The following MYOF variants were observed in gnomAD, a reference collection of about 807,000 sequenced individuals.
MYOF encodes fer-1-like 3, myoferlin.
In MYOF, 244 loss-of-function variants were observed where a neutral mutation model predicts 284.2. That is an observed-to-expected ratio of 0.86 (90% CI 0.77 to 0.95). The LOEUF (loss-of-function observed/expected upper bound fraction) is 0.95. Ranked by LOEUF, MYOF falls within the 40% of genes least tolerant of loss-of-function variation. The pLI is 0.00. For synonymous variants in MYOF, 904 were observed against 919.7 expected (o/e 0.98, Z 0.31); for missense variants, 2,496 against 2,560.6 (o/e 0.97, Z 0.54).
intron 2 of MYOF, among the ~76,000 whole-genome samples, chr10:93,455,621 C>T (rs144071066): frequency 1.3e-5 from 2 of 152,230 alleles, no homozygotes; most frequent in African/African-American, 2.4e-5. Flanking sequence ...ATCTTAATCA[C>T]GCCACCGCAC....
chr10:93,366,128 G>A (rs1486778400), intron 26 of MYOF, among the ~76,000 whole-genome samples: 2 of 152,170 alleles, frequency 1.3e-5, no homozygotes, highest in Non-Finnish European at 2.9e-5. Context: ...TAAAGATTAA[G>A]TAAGATGACG....
intron 4 of MYOF, among the ~76,000 whole-genome samples, chr10:93,427,370 A>G (rs1210345282): frequency 6.6e-6 from 1 of 151,716 alleles, no homozygotes; most frequent in Non-Finnish European, 1.5e-5. Flanking sequence ...ATCTCTACTA[A>G]AAATACAAAA....
chr10:93,396,886 C>T (rs764760849), intron 15 of MYOF, among the ~76,000 whole-genome samples: 1 of 152,122 alleles, frequency 6.6e-6, no homozygotes, highest in Non-Finnish European at 1.5e-5. Context: ...TCTTTTTAAA[C>T]AATAACAATG....
chr10:93,391,704 A>G (rs3886544), intron 17 of MYOF, among the ~76,000 whole-genome samples: 30,535 of 152,178 alleles, frequency 0.2, 3,785 homozygotes, highest in African/African-American at 0.35. Flanking sequence ...GGACACATCA[A>G]ACTTCCCAAT....
chr10:93,366,423 C>T lies in MYOF; in HGVS notation c.2722G>A (p.Glu908Lys), dbSNP rs1006631545. The T allele has an allele frequency of 1.2e-6, 2 of 1,613,910 alleles. No individual in the cohort carries two copies. Among genetic ancestry groups the T allele is most frequent in the African/African-American group, 1.3e-5 (1 of 75,028 alleles). The change falls in exon 26 of 54, where the codon GAA becomes AAA. Residue 908 changes from glutamate (E) to lysine (K), a missense_variant. Physicochemically the swap from Glu to Lys is moderately conservative, Grantham distance 56 (BLOSUM62 1). Coordinates refer to ENST00000359263, the MANE Select transcript of MYOF (RefSeq NM_013451.4). ...TCAGGATCAACTATCCACTCTCCTT[C>T]CCATTCCCAGCCTTTTGGAGGCAGA... ...FFLPPKGWEW[E>K]GEWIVDPERS...
intron 9 of MYOF, 148 bp from the exon 10 acceptor site, chr10:93,403,038 TC>T: frequency 1.5e-6 from 1 of 669,540 alleles, no homozygotes; most frequent in Non-Finnish European, 2.6e-6. Context: ...CCTCTCTGTA[TC>T]CCCAGTGCCT....
At chr10:93,419,253 C>A (rs746826030) in intron 5 of MYOF, among the ~76,000 whole-genome samples, 20 of 152,072 alleles carry the variant, frequency 1.3e-4, no homozygotes, top group Non-Finnish European at 2.6e-4. Context: ...ACCTCCGCCT[C>A]CTGGGTTCAA....
intron 22 of MYOF, among the ~76,000 whole-genome samples, chr10:93,375,232 C>T (rs1845783454): frequency 6.6e-6 from 1 of 152,200 alleles, no homozygotes. Context: ...CCCAAGGAGT[C>T]ACTGGAAAGA....
chr10:93,402,899 A>G lies in MYOF; in HGVS notation c.844-9T>C. 6.2e-7 allele frequency: 1 copy of G among 1,609,856 alleles called. No homozygotes were observed. The highest frequency in any genetic ancestry group is 8.5e-7 in the Non-Finnish European group (1 of 1,176,314). ...ACAAATCCAACATCAATCTGGGAAA[A>G]CAATAATCGAAAGTAGTCTAAGTAG... is the stretch of plus-strand genomic sequence containing the variant. On this transcript the variant is annotated splice_polypyrimidine_tract_variant and intron_variant, in intron 9 of 53. Transcript: ENST00000359263.
intron 3 of MYOF, among the ~76,000 whole-genome samples, chr10:93,439,428 C>T (rs1203423638): frequency 6.6e-6 from 1 of 152,160 alleles, no homozygotes; most frequent in Non-Finnish European, 1.5e-5. Flanking sequence ...AGTGGAGTTC[C>T]GATGCTCTGT....
chr10:93,454,628 T>G, intron 2 of MYOF, among the ~76,000 whole-genome samples: 1 of 152,140 alleles, frequency 6.6e-6, no homozygotes, highest in East Asian at 1.9e-4. Flanking sequence ...CTGGGGAAAT[T>G]ACAGATAAGT....
intron 29 of MYOF, 61 bp downstream of exon 29, chr10:93,359,772 G>A (rs1365089595): frequency 6.3e-7 from 1 of 1,599,000 alleles, no homozygotes; most frequent in African/African-American, 1.3e-5. Context: ...TAGTTAGCTG[G>A]GACTTTGTAG....
chr10:93,429,069 C>A (rs1749547391), intron 4 of MYOF, among the ~76,000 whole-genome samples: 1 of 152,108 alleles, frequency 6.6e-6, no homozygotes, highest in Admixed American at 6.6e-5. Flanking sequence ...GGAGTTGGGC[C>A]CTGGTGGGAG....
At chr10:93,443,638 G>T (rs755423204) in intron 3 of MYOF, among the ~76,000 whole-genome samples, 4 of 152,094 alleles carry the variant, frequency 2.6e-5, no homozygotes, top group Admixed American at 1.3e-4. Flanking sequence ...GCATGGAAAT[G>T]AGTCTCTCTA....
At chr10:93,454,976 CT>C (rs1431736562) in intron 2 of MYOF, among the ~76,000 whole-genome samples, 2 of 80,498 alleles carry the variant, frequency 2.5e-5, no homozygotes, top group Non-Finnish European at 4.5e-5. Context: ...GAGACCCTGT[CT>C]TTTTTTAATT....
intron 3 of MYOF, among the ~76,000 whole-genome samples, chr10:93,438,734 G>C (rs2056151609): frequency 6.6e-6 from 1 of 152,122 alleles, no homozygotes; most frequent in African/African-American, 2.4e-5. Flanking sequence ...AGGGGGGCTT[G>C]AGTGGTTTTG....
rs71031511 is a variant in MYOF, at chr10:93,465,538, C to CTTTTTTTTTTTTTTTTTTTTT, written c.89-8602_89-8601insAAAAAAAAAAAAAAAAAAAAA. Among the ~76,000 whole-genome samples the CTTTTTTTTTTTTTTTTTTTTT allele has an allele frequency of 1.1e-3, 118 of 112,148 alleles. 3 individuals carry two copies. The highest frequency in any genetic ancestry group is 1.3e-3 in the Non-Finnish European group (72 of 57,318). 73.6% of individuals were successfully genotyped at this position (112,148 alleles called of 152,430 possible). ...CTTTTTTCTTTCTTTTTTTTCTTTT[C>CTTTTTTTTTTTTTTTTTTTTT]TTTTTTTTTTTTTTTGAGATGACTG... On this transcript the variant is annotated intron_variant, in intron 1 of 53. Coordinates refer to ENST00000359263, the MANE Select transcript of MYOF (RefSeq NM_013451.4).
At chr10:93,446,200 C>T (rs890810657) in intron 3 of MYOF, among the ~76,000 whole-genome samples, 3 of 138,636 alleles carry the variant, frequency 2.2e-5, no homozygotes, top group African/African-American at 3.5e-5. Flanking sequence ...GACGCAGGGT[C>T]GGCCTTCCAC....
At chr10:93,436,413 A>AT (rs1849121890) in intron 3 of MYOF, among the ~76,000 whole-genome samples, 1 of 152,192 alleles carries the variant, frequency 6.6e-6, no homozygotes, top group Admixed American at 6.5e-5. Flanking sequence ...GGAAAGAAAG[A>AT]TTTGCTTTCT....
Sources: gnomAD v4.1 joint callset for allele counts (sites outside exome capture counted in the v4.1 genomes callset) on GRCh38, gnomAD v4.1.1 for gene constraint, MANE v1.5 for transcripts, NCBI Gene and HGNC (gene_info 2026-07-23, HGNC 2026-07-21) for gene names.